CSMD1: variants seen among roughly 807,000 people sequenced by gnomAD.
The protein encoded by CSMD1 is CUB and Sushi multiple domains 1.
Under a neutral mutation model 417.5 loss-of-function variants are expected in CSMD1, and 213 were observed. The ratio of observed to expected loss-of-function variants is 0.51; its 90% confidence interval spans 0.46 to 0.57. CSMD1 has a LOEUF of 0.57. Among genes scored for constraint, CSMD1 ranks in the 20% least tolerant of loss-of-function variants. CSMD1 has a pLI of 0.00. For synonymous variants in CSMD1, 2,862 were observed against 1,736.8 expected, an observed-to-expected ratio of 1.65 and a Z score of -16.11; for missense variants, 6,923 against 4,529.7, an observed-to-expected ratio of 1.53 and a Z score of -15.17.
At chr8:4,977,726 A>G (rs1810645352) in intron 1 of CSMD1, among the ~76,000 whole-genome samples, 1 of 152,242 alleles carries the variant, frequency 6.6e-6, no homozygotes, top group African/African-American at 2.4e-5. Flanking sequence ...CTAAGTCACT[A>G]AGCTACAAAT....
chr8:4,575,134 A>G (rs1393597142), intron 2 of CSMD1, among the ~76,000 whole-genome samples: 2 of 152,184 alleles, frequency 1.3e-5, no homozygotes, highest in Non-Finnish European at 2.9e-5. Context: ...TTCATTCAAT[A>G]AATATTTTTG....
intron 1 of CSMD1, among the ~76,000 whole-genome samples, chr8:4,853,578 C>T (rs939604862): frequency 2.0e-5 from 3 of 152,178 alleles, no homozygotes; most frequent in South Asian, 4.1e-4. Context: ...AAGGTAGAGT[C>T]CCACACAGAT....
At chr8:4,747,449 G>A (rs563638916) in intron 1 of CSMD1, among the ~76,000 whole-genome samples, 2 of 152,246 alleles carry the variant, frequency 1.3e-5, no homozygotes, top group African/African-American at 4.8e-5. Flanking sequence ...TTATGTCAGA[G>A]AAAATTTAAG....
intron 20 of CSMD1, among the ~76,000 whole-genome samples, chr8:3,363,596 C>G (rs929989028): frequency 6.6e-6 from 1 of 152,082 alleles, no homozygotes; most frequent in African/African-American, 2.4e-5. Flanking sequence ...GGCGCGATCT[C>G]CGCTCACTGC....
At chr8:4,406,061 C>A (rs1000316708) in intron 3 of CSMD1, among the ~76,000 whole-genome samples, 1 of 152,154 alleles carries the variant, frequency 6.6e-6, no homozygotes, top group African/African-American at 2.4e-5. Context: ...ATGCCAGCAA[C>A]TTTATTTTTG....
chr8:3,472,864 A>G (rs551823521), intron 11 of CSMD1, among the ~76,000 whole-genome samples: 1 of 152,120 alleles, frequency 6.6e-6, no homozygotes, highest in South Asian at 2.1e-4. Flanking sequence ...GTCACCAGTC[A>G]TCGGCCACTA....
At chr8:4,757,690 G>T (rs533399593) in intron 1 of CSMD1, among the ~76,000 whole-genome samples, 1 of 152,216 alleles carries the variant, frequency 6.6e-6, no homozygotes, top group Admixed American at 6.5e-5. Context: ...TGGGCATGGT[G>T]GCTTATGTCT....
chr8:4,270,970 G>A (rs748032513), intron 3 of CSMD1, among the ~76,000 whole-genome samples: 4 of 152,150 alleles, frequency 2.6e-5, no homozygotes, highest in Admixed American at 2.6e-4. Flanking sequence ...CTGTCACCGC[G>A]TTCACTCTTT....
At chr8:2,996,118 T>C (rs1201852547) in intron 54 of CSMD1, among the ~76,000 whole-genome samples, 1 of 151,982 alleles carries the variant, frequency 6.6e-6, no homozygotes, top group East Asian at 1.9e-4. Context: ...TATCTCAAAA[T>C]GAAACATTTT....
chr8:3,777,136 A>G (rs1798935267), intron 5 of CSMD1, among the ~76,000 whole-genome samples: 2 of 151,110 alleles, frequency 1.3e-5, no homozygotes, highest in African/African-American at 4.9e-5. Context: ...ACACACACAC[A>G]CACACACACA....
chr8:3,259,420 G>A (rs1448387994), intron 26 of CSMD1, among the ~76,000 whole-genome samples: 1 of 126,160 alleles, frequency 7.9e-6, no homozygotes, highest in South Asian at 2.4e-4. Context: ...TGGCCTGAAT[G>A]AATGAGTGAA....
At chr8:3,594,692 C>G (rs1801010889) in intron 8 of CSMD1, among the ~76,000 whole-genome samples, 1 of 152,170 alleles carries the variant, frequency 6.6e-6, no homozygotes, top group South Asian at 2.1e-4. Context: ...TAACTTAGTT[C>G]CTTTATTGCT....
intron 3 of CSMD1, among the ~76,000 whole-genome samples, chr8:4,149,358 A>G (rs115613000): frequency 6.4e-4 from 97 of 152,324 alleles, no homozygotes; most frequent in African/African-American, 2.2e-3. Context: ...TTCTAAAAAG[A>G]TACACTTTGG....
chr8:3,413,706 A>G (rs193148825), intron 12 of CSMD1, among the ~76,000 whole-genome samples: 2 of 152,196 alleles, frequency 1.3e-5, no homozygotes, highest in South Asian at 4.1e-4. Flanking sequence ...AATTCACACA[A>G]GTTTTGCAAT....
intron 18 of CSMD1, among the ~76,000 whole-genome samples, chr8:3,381,717 A>G (rs1810639749): frequency 6.6e-6 from 1 of 152,216 alleles, no homozygotes; most frequent in Non-Finnish European, 1.5e-5. Flanking sequence ...AATTACAAAA[A>G]TAAGACTCAG....
At chr8:4,338,488 C>G (rs539406521) in intron 3 of CSMD1, among the ~76,000 whole-genome samples, 6 of 152,218 alleles carry the variant, frequency 3.9e-5, no homozygotes, top group East Asian at 1.9e-4. Flanking sequence ...GCAAATCTAC[C>G]TCGGGATATT....
intron 54 of CSMD1, among the ~76,000 whole-genome samples, chr8:2,979,719 G>A (rs905995269): frequency 6.6e-6 from 1 of 152,200 alleles, no homozygotes; most frequent in Non-Finnish European, 1.5e-5. Flanking sequence ...GCAGAGGGCA[G>A]AATCAAGGCT....
chr8:4,658,986 A>G (rs2130914991), intron 1 of CSMD1, among the ~76,000 whole-genome samples: 1 of 152,302 alleles, frequency 6.6e-6, no homozygotes, highest in South Asian at 2.1e-4. Flanking sequence ...CCACGAAGGC[A>G]ATAACTGAAA....
At chr8:4,418,763 C>A (rs1461767539) in intron 3 of CSMD1, among the ~76,000 whole-genome samples, 4 of 133,774 alleles carry the variant, frequency 3.0e-5, no homozygotes, top group African/African-American at 1.1e-4. Flanking sequence ...CTTCAATTAG[C>A]CTGCTGCTTT....
Sources: allele counts gnomAD v4.1 joint callset (sites outside exome capture counted in the v4.1 genomes callset), GRCh38; gene constraint gnomAD v4.1.1; transcripts MANE v1.5; gene names NCBI Gene and HGNC (gene_info 2026-07-23, HGNC 2026-07-21).